The following SYNE1 variants were observed in gnomAD, a reference collection of about 807,000 sequenced individuals.
SYNE1 encodes the protein spectrin repeat containing nuclear envelope protein 1.
A neutral mutation model predicts 1,111.0 loss-of-function variants in SYNE1; 616 were observed. The observed-to-expected ratio is 0.55, with a 90% CI of 0.52 to 0.59. SYNE1 has a LOEUF of 0.59. SYNE1 is among the 20% of genes least tolerant of loss of function. SYNE1 has a pLI of 0.00. For synonymous variants in SYNE1, 3,855 were observed against 3,825.8 expected (o/e 1.01, Z -0.28); for missense variants, 10,006 against 10,417.0 (o/e 0.96, Z 1.72).
intron 3 of SYNE1, among the ~76,000 whole-genome samples, chr6:152,603,524 G>A (rs2099601132): frequency 6.6e-6 from 1 of 152,032 alleles, no homozygotes; most frequent in African/African-American, 2.4e-5. Context: ...TGGGGGATGT[G>A]GATGTGACAG....
chr6:152,427,371 C>T (rs1054673678), intron 38 of SYNE1, among the ~76,000 whole-genome samples: 6 of 152,174 alleles, frequency 3.9e-5, no homozygotes, highest in African/African-American at 1.2e-4. Context: ...TGATAGCCAA[C>T]CTCTTTCATC....
chr6:152,220,813 G>A, intron 119 of SYNE1, 29 bp downstream of exon 119: 1 of 1,603,606 alleles, frequency 6.2e-7, no homozygotes, highest in Non-Finnish European at 8.5e-7. Flanking sequence ...AAGGGCATGT[G>A]GGGAAAACAA....
intron 5 of SYNE1, among the ~76,000 whole-genome samples, chr6:152,521,240 T>C (rs2099137620): frequency 6.6e-6 from 1 of 152,218 alleles, no homozygotes; most frequent in African/African-American, 2.4e-5. Context: ...AGCTACATAA[T>C]GTGCTATTTC....
rs138358629 is a variant in SYNE1, at chr6:152,174,017, T to C, written c.23627+2377A>G. Among the ~76,000 whole-genome samples the C allele has an allele frequency of 3.5e-3, 530 of 152,328 alleles. 4 individuals are homozygous for C. Among genetic ancestry groups the C allele is most frequent in the South Asian group, 9.1e-3 (44 of 4,824 alleles). On this transcript the variant is annotated intron_variant, in intron 130 of 145. Coordinates refer to ENST00000367255, the MANE Select transcript of SYNE1 (RefSeq NM_182961.4). ...CATTTGCTGTAATATTGGCTCATAG[T>C]TGGGCATACACTAAGTTAGCTGCTT... is the stretch of plus-strand genomic sequence containing the variant.
chr6:152,196,555 G>A (rs574095528), intron 127 of SYNE1, among the ~76,000 whole-genome samples: 89 of 152,156 alleles, frequency 5.8e-4, no homozygotes, highest in Non-Finnish European at 8.7e-4. Context: ...TTCTGGCCAA[G>A]GGTGTGTCTA....
intron 3 of SYNE1, among the ~76,000 whole-genome samples, chr6:152,553,712 A>G (rs2099355618): frequency 1.3e-5 from 2 of 152,170 alleles, no homozygotes; most frequent in African/African-American, 2.4e-5. Context: ...TTCCTTTCAC[A>G]TGTCTATATT....
chr6:152,391,335 C>T lies in SYNE1; in HGVS notation c.7946G>A (p.Cys2649Tyr), dbSNP rs769480578. ...WVKAIQDRLA[C>Y]AESTLGSKDT... ...TTTGCTCCCAAGAGTGCTCTCTGCACAGGCCAGTCTGTCCTGAATGGCCTT... is the reference window on the plus strand; with the variant it reads ...TTTGCTCCCAAGAGTGCTCTCTGCATAGGCCAGTCTGTCCTGAATGGCCTT... Residue 2649 changes from cysteine to tyrosine, a missense_variant, in exon 52 of 146, where the codon TGT becomes TAT. This residue lies in a region of SYNE1 where 4,955 missense variants were observed against 5,017.2 expected (regional missense o/e 0.99). Transcript: ENST00000367255. 2.5e-6 allele frequency: 4 copies of T among 1,614,124 alleles called. No homozygotes were observed. The highest frequency in any genetic ancestry group is 2.2e-5 in the South Asian group (2 of 91,084).
rs2154081435 is a variant in SYNE1 at position 152,367,260 on chromosome 6, T to C, written c.9930A>G (p.Thr3310=). Residue 3310 remains threonine (T), a synonymous_variant, in exon 62 of 146, where the codon ACA becomes ACG. Transcript: ENST00000367255. ...TGCTGTCCAGCACACTTTTGTCGGA[T>C]GTCGGGTGGCAGTATGAATCCAGCA... ...IHMLDSYCHP[T]SDKSVLDSRT... is the part of the protein sequence containing the mutation. 6.2e-7 allele frequency: 1 copy of C among 1,614,232 alleles called. No homozygotes were observed. The highest frequency in any genetic ancestry group is 8.5e-7 in the Non-Finnish European group (1 of 1,180,042).
intron 3 of SYNE1, among the ~76,000 whole-genome samples, chr6:152,589,013 G>C (rs2099549357): frequency 6.6e-6 from 1 of 151,730 alleles, no homozygotes; most frequent in Non-Finnish European, 1.5e-5. Context: ...TCAGAGGCAT[G>C]ATCTTGGCTC....
Position 152,318,120 on chromosome 6 carries a change from G to C in SYNE1, c.16533C>G (p.Thr5511=). ...AGAGCCGATTCTCAGCTTGTCTAAT[G>C]GTCTGCTGGTGAAGTTCAGTCAGTT... The part of the protein sequence containing the change: ...IGKLTELHQQ[T]IRQAENRLSK... Residue 5511 remains threonine, a synonymous_variant, in exon 86 of 146, where the codon ACC becomes ACG. Coordinates refer to ENST00000367255, the MANE Select transcript of SYNE1 (RefSeq NM_182961.4). 6.2e-7 allele frequency: 1 copy of C among 1,614,198 alleles called. No individual in the cohort carries two copies. Among genetic ancestry groups the C allele is most frequent in the Non-Finnish European group, 8.5e-7 (1 of 1,180,048 alleles).
At chr6:152,329,661 C>T (rs1443792375) in intron 78 of SYNE1, 69 bp downstream of exon 78, 40 of 1,607,140 alleles carry the variant, frequency 2.5e-5, no homozygotes, top group Admixed American at 3.3e-5. Flanking sequence ...ACCAAGCAAA[C>T]GAATTTCTTG....
chr6:152,135,289 T>G (rs915641780), intron 141 of SYNE1, 57 bp from the exon 142 acceptor site: 27 of 1,565,264 alleles, frequency 1.7e-5, no homozygotes, highest in Non-Finnish European at 1.7e-5. Flanking sequence ...CTCTCAAAAC[T>G]TAAATGTCTT....
chr6:152,215,038 C>T lies in SYNE1; in HGVS notation c.22214G>A (p.Ser7405Asn). 1.9e-6 allele frequency: 3 copies of T among 1,614,008 alleles called. No homozygotes were observed. Among genetic ancestry groups the T allele is most frequent in the Non-Finnish European group, 2.5e-6 (3 of 1,179,982 alleles). Residue 7405 changes from serine (S) to asparagine (N), a missense_variant, in exon 122 of 146, where the codon AGC becomes AAC. By Grantham distance (46) the Ser-to-Asn change is conservative (BLOSUM62 1). Transcript: ENST00000367255. ...TAGACGGTCTAAATCTGGAGCCATG[C>T]TGCTGAATTTTAACATCTGTCCCTA... ...ELKGQMLKFS[S>N]MAPDLDRLNE...
At chr6:152,239,410 C>T in intron 108 of SYNE1, 123 bp downstream of exon 108, 7 of 1,175,272 alleles carry the variant, frequency 6.0e-6, no homozygotes, top group South Asian at 3.8e-5. Context: ...GTCCTGAGCC[C>T]GAGAGCGCAG....
chr6:152,492,492 T>C (rs2098976265), intron 11 of SYNE1, among the ~76,000 whole-genome samples: 1 of 152,164 alleles, frequency 6.6e-6, no homozygotes, highest in Admixed American at 6.5e-5. Flanking sequence ...CTTCAAGTGC[T>C]GGAAATCTGG....
At chr6:152,293,502 G>A in intron 95 of SYNE1, 86 bp downstream of exon 95, 6 of 1,501,598 alleles carry the variant, frequency 4.0e-6, no homozygotes, top group South Asian at 3.4e-5. Flanking sequence ...TCACCTGGCT[G>A]TCTCAAACAC....
At chr6:152,494,471 A>C (rs2154310732) in intron 11 of SYNE1, among the ~76,000 whole-genome samples, 1 of 152,108 alleles carries the variant, frequency 6.6e-6, no homozygotes, top group Middle Eastern at 3.4e-3. Flanking sequence ...TGGCAGTTCC[A>C]CCAGGCCTAA....
rs763526846 is a variant in SYNE1 at position 152,381,043 on chromosome 6, G to A, written c.8972C>T (p.Thr2991Met). 2.2e-5 allele frequency: 35 copies of A among 1,614,094 alleles called. No homozygotes were observed. Among genetic ancestry groups the A allele is most frequent in the African/African-American group, 1.9e-4 (14 of 75,004 alleles). The change falls in exon 56 of 146, where the codon ACG (threonine) becomes ATG (methionine). Residue 2991 changes from threonine to methionine, a missense_variant. Physicochemically the swap from Thr to Met is moderately conservative, Grantham distance 81 (BLOSUM62 -1). This residue lies in a region of SYNE1 where 4,955 missense variants were observed against 5,017.2 expected (regional missense o/e 0.99). Coordinates refer to ENST00000367255, the MANE Select transcript of SYNE1 (RefSeq NM_182961.4). Reference protein sequence around the residue: ...QQLTLLEGKNTDEEIVECWHK... With the variant: ...QQLTLLEGKNMDEEIVECWHK... ...CCAGCATTCCACTATCTCCTCATCC[G>A]TGTTCTTGCCTTCCAGGAGGGTTAA...
At chr6:152,352,705 T>A (rs2096764070) in intron 69 of SYNE1, among the ~76,000 whole-genome samples, 1 of 152,198 alleles carries the variant, frequency 6.6e-6, no homozygotes. Flanking sequence ...TGCCTGGCCA[T>A]TTCTTTTCCT....
Sources: allele counts gnomAD v4.1 joint callset (sites outside exome capture counted in the v4.1 genomes callset), GRCh38; gene constraint gnomAD v4.1.1; regional missense constraint gnomAD v4.1.1; transcripts MANE v1.5; gene names NCBI Gene and HGNC (gene_info 2026-07-23, HGNC 2026-07-21).